Variants in EEF1D observed in about 807,000 individuals in gnomAD.
EEF1D encodes the protein eukaryotic translation elongation factor 1 delta.
In EEF1D, 47 loss-of-function variants were observed where a neutral mutation model predicts 63.9. That is an observed-to-expected ratio of 0.74 (90% CI 0.58 to 0.94). The LOEUF (loss-of-function observed/expected upper bound fraction) is 0.94, where lower values mean the gene tolerates loss of function less well. EEF1D is among the 40% of genes least tolerant of loss of function. EEF1D has a pLI of 0.00. For synonymous variants in EEF1D, 412 were observed against 386.1 expected (o/e 1.07, Z -0.79); for missense variants, 907 against 899.0 (o/e 1.01, Z -0.11).
intron 3 of EEF1D, 163 bp from the exon 4 acceptor site, chr8:143,587,015 C>A (rs1826791926): frequency 1.1e-6 from 1 of 897,040 alleles, no homozygotes; most frequent in Admixed American, 2.5e-5. Context: ...ACATGGCATC[C>A]CCAGGCCTGT....
chr8:143,584,404 AAG>A (rs1167172119), intron 5 of EEF1D, among the ~76,000 whole-genome samples: 16 of 151,686 alleles, frequency 1.1e-4, no homozygotes, highest in South Asian at 6.2e-4. Context: ...AAAAAAAAAA[AAG>A]AAAAAAAAAT....
chr8:143,588,538 G>A (rs531539535), intron 3 of EEF1D, among the ~76,000 whole-genome samples: 36 of 152,202 alleles, frequency 2.4e-4, no homozygotes, highest in Non-Finnish European at 4.3e-4. Context: ...AAGGAAAGCT[G>A]GGGGTGCACA....
rs939055566 is a variant in EEF1D, at chr8:143,579,775, G to A, written c.*17C>T. The A allele has an allele frequency of 3.9e-6, 6 of 1,548,950 alleles. No homozygotes were observed. Among genetic ancestry groups the A allele is most frequent in the Non-Finnish European group, 4.4e-6 (5 of 1,146,918 alleles). The stretch of plus-strand genomic sequence containing the variant: ...GGCAGGGCCTCACGCACGCGCGCAC[G>A]TACACACACTCAGGCTTCAGATCTT... On this transcript the variant is annotated 3_prime_UTR_variant, in exon 10 of 10. Transcript: ENST00000618139.
chr8:143,589,497 C>A lies in EEF1D; in HGVS notation c.585G>T (p.Gly195=). ...CCACCTGCTGGCCTGTGTTGGGAGT[C>A]CCCTGCCTGCGGCTGCCGTCGGGGG... is the stretch of plus-strand genomic sequence containing the variant. ...LLAPDGSRRQ[G]TPNTGQQVAV... The change falls in exon 3 of 10, where the codon GGG becomes GGT. Residue 195 remains glycine (G), a synonymous_variant. Transcript: ENST00000618139. The A allele has an allele frequency of 2.0e-6, 3 of 1,519,252 alleles. No homozygotes were observed. The highest frequency in any genetic ancestry group is 1.3e-5 in the South Asian group (1 of 78,746). The allele number at this position is 1,519,252 out of a possible 1,614,324, so 94.1% of individuals were successfully genotyped here.
rs766567247 is a variant in EEF1D, at chr8:143,589,374, C to A, written c.708G>T (p.Lys236Asn). The change falls in exon 3 of 10, where the codon AAG (lysine) becomes AAT (asparagine). Residue 236 changes from lysine to asparagine, a missense_variant. Lys to Asn is a moderately conservative substitution (Grantham distance 94, BLOSUM62 0). Transcript: ENST00000618139. ...CCCTCTCGGCTGCATCATACCGGGG[C>A]TTCTCCAGCCACACCTCCCGAACCA... Reference protein sequence around the residue: ...QALVREVWLEKPRYDAAERGF... With the variant: ...QALVREVWLENPRYDAAERGF... The A allele has an allele frequency of 3.9e-6, 6 of 1,550,000 alleles. No individual in the cohort carries two copies. Among genetic ancestry groups the A allele is most frequent in the South Asian group, 3.6e-5 (3 of 84,456 alleles).
At position 143,586,865 on chromosome 8, in the gene EEF1D, A is replaced by AAG; in HGVS notation, c.1092-14_1092-13insCT. The AAG allele has an allele frequency of 6.2e-7, 1 of 1,613,322 alleles. No homozygotes were observed. The highest frequency in any genetic ancestry group is 8.5e-7 in the Non-Finnish European group (1 of 1,179,306). On this transcript the variant is annotated splice_polypyrimidine_tract_variant and intron_variant, in intron 3 of 9. Coordinates refer to ENST00000618139, the MANE Select transcript of EEF1D (RefSeq NM_001130053.5). Reference sequence around the variant, plus strand: ...AGCCATTTTTCTGCTGGGAGGGGAAAGAGGCAAAGTCAGCATGGCTGGGAA... The same window carrying AAG: ...AGCCATTTTTCTGCTGGGAGGGGAAAAGGAGGCAAAGTCAGCATGGCTGGGAA...
rs143483165 is a variant in EEF1D at position 143,580,028 on chromosome 8, G to C, written c.1889C>G (p.Thr630Ser). 2.0e-5 allele frequency: 33 copies of C among 1,613,622 alleles called. No individual in the cohort carries two copies. Among genetic ancestry groups the C allele is most frequent in the African/African-American group, 2.7e-5 (2 of 74,876 alleles). Residue 630 changes from threonine to serine, a missense_variant, in exon 9 of 10, where the codon ACC becomes AGC. Transcript: ENST00000618139. ...CTCACTCACGTGCTCCTCAAACTTG[G>C]TGATCTCCTCCTCCAGCAAGTCTGT... ...VGTDLLEEEI[T>S]KFEEHVQSVD... is the part of the protein sequence containing the mutation.
rs572541892 is a variant in EEF1D, at chr8:143,589,452, G to C, written c.630C>G (p.His210Gln). ...GQQVAVPDLAHQPSPPVNGQP... is the reference protein window; with the variant it reads ...GQQVAVPDLAQQPSPPVNGQP... Reference sequence around the variant, plus strand: ...GGCCATTGACCGGTGGGCTGGGCTGGTGGGCCAGGTCGGGGACGGCCACCT... The same window carrying C: ...GGCCATTGACCGGTGGGCTGGGCTGCTGGGCCAGGTCGGGGACGGCCACCT... The change falls in exon 3 of 10, where the codon CAC (histidine) becomes CAG (glutamine). Residue 210 changes from histidine (H) to glutamine (Q), a missense_variant. Coordinates refer to ENST00000618139, the MANE Select transcript of EEF1D (RefSeq NM_001130053.5). 1.1e-4 allele frequency: 175 copies of C among 1,531,400 alleles called. No homozygotes were observed. The East Asian group carries it at 3.6e-3, about 32-fold the overall frequency. 94.9% of individuals were successfully genotyped at this position (1,531,400 alleles called of 1,614,324 possible).
At position 143,589,059 on chromosome 8, in the gene EEF1D, G is replaced by C. The variant is rs762495668; in HGVS notation, c.1023C>G (p.Leu341=). The change falls in exon 3 of 10, where the codon CTC becomes CTG. Residue 341 remains leucine (L), a synonymous_variant. Transcript: ENST00000618139. ...GTCGGTGAGACAGGGAGGCAGCTTC[G>C]AGGCACCAGGCCACCCGCAGGGCCT... ...AAEALRVAWC[L]EAASLSHRPG... 13 of 1,607,610 alleles carry C rather than the reference G, an allele frequency of 8.1e-6. No individual in the cohort carries two copies. The East Asian group carries it at 2.9e-4, about 36-fold the overall frequency.
chr8:143,596,440 C>T (rs1828838009), intron 1 of EEF1D: 3 of 152,338 alleles, frequency 2.0e-5, no homozygotes, highest in Admixed American at 2.0e-4. Context: ...GCTGGGCACA[C>T]ACGGGCTCCG....
intron 5 of EEF1D, chr8:143,582,497 G>C (rs1279949224): frequency 6.6e-6 from 1 of 152,330 alleles, no homozygotes; most frequent in Admixed American, 6.5e-5. Context: ...GCGGGAGTGG[G>C]GCTGGGTCCT....
rs374067636 is a variant in EEF1D, at chr8:143,589,326, G to A, written c.756C>T (p.Asp252=). The change falls in exon 3 of 10, where the codon GAC becomes GAT. Residue 252 remains aspartate, a synonymous_variant. Coordinates refer to ENST00000618139, the MANE Select transcript of EEF1D (RefSeq NM_001130053.5). ...AERGFYEALF[D]GHPPGKVRLQ... The stretch of plus-strand genomic sequence containing the variant: ...GGCGCACCTTCCCTGGGGGATGGCC[G>A]TCAAACAGGGCCTCGTAGAAGCCCC... 96 of 1,584,328 alleles carry A rather than the reference G, an allele frequency of 6.1e-5. No individual in the cohort carries two copies. Among genetic ancestry groups the A allele is most frequent in the Non-Finnish European group, 7.2e-5 (84 of 1,164,562 alleles).
In EEF1D at chr8:143,580,241, C is replaced by T. The variant is rs746987320; in HGVS notation, c.1711-35G>A. On this transcript the variant is annotated intron_variant, in intron 8 of 9. Coordinates refer to ENST00000618139, the MANE Select transcript of EEF1D (RefSeq NM_001130053.5). ...AAGGGGAGGAAAAGCTGGGGTCAGC[C>T]ACCCTCAGAACACCCAGGAAGTACC... 72 of 1,600,066 alleles carry T rather than the reference C, an allele frequency of 4.5e-5. No individual in the cohort carries two copies. In the East Asian group the frequency reaches 1.3e-3, roughly 28 times the overall value.
rs945908580 is a variant in EEF1D, at chr8:143,589,099, C to T, written c.983G>A (p.Arg328His). The change falls in exon 3 of 10, where the codon CGC (arginine) becomes CAC (histidine). Residue 328 changes from arginine to histidine, a missense_variant. Coordinates refer to ENST00000618139, the MANE Select transcript of EEF1D (RefSeq NM_001130053.5). Reference sequence around the variant, plus strand: ...CCGCAGGGCCTCGGCAGCGTGGTGGCGGCACTCGGCGCTGTCGTAGGCAGG... The same window carrying T: ...CCGCAGGGCCTCGGCAGCGTGGTGGTGGCACTCGGCGCTGTCGTAGGCAGG... The part of the protein sequence containing the change: ...SKPAYDSAEC[R>H]HHAAEALRVA... The T allele has an allele frequency of 2.0e-5, 32 of 1,609,472 alleles. No homozygotes were observed. The highest frequency in any genetic ancestry group is 3.4e-5 in the Admixed American group (2 of 59,682).
At chr8:143,591,207 T>C (rs1348746413) in intron 2 of EEF1D, among the ~76,000 whole-genome samples, 1 of 152,234 alleles carries the variant, frequency 6.6e-6, no homozygotes, top group Admixed American at 6.5e-5. Context: ...CTGTGTAATG[T>C]TAAGAGGGAC....
chr8:143,591,254 C>T (rs1232124131), intron 2 of EEF1D, among the ~76,000 whole-genome samples: 1 of 152,212 alleles, frequency 6.6e-6, no homozygotes, highest in Non-Finnish European at 1.5e-5. Flanking sequence ...GCTCCACTCC[C>T]CACTTGCTAC....
chr8:143,581,496 C>G (rs1191598969), intron 5 of EEF1D, 168 bp from the exon 6 acceptor site: 4 of 611,140 alleles, frequency 6.5e-6, no homozygotes, highest in Non-Finnish European at 1.2e-5. Flanking sequence ...GTGGCGGCCA[C>G]CACAGACCAC....
Position 143,586,739 on chromosome 8 carries a change from G to A in EEF1D, c.1205C>T (p.Ala402Val), listed in dbSNP as rs574502088. Residue 402 changes from alanine to valine, a missense_variant, in exon 4 of 10, where the codon GCC (alanine) becomes GTC (valine). Transcript: ENST00000618139. Reference protein sequence around the residue: ...YEQMNGPVAGASRQENGASVI... With the variant: ...YEQMNGPVAGVSRQENGASVI... ...ACGTGCAGCTCTCACCTGGCGGGAGGCACCTGCCACAGGCCCGTTCATCTG... is the reference window on the plus strand; with the variant it reads ...ACGTGCAGCTCTCACCTGGCGGGAGACACCTGCCACAGGCCCGTTCATCTG... 4.3e-6 allele frequency: 7 copies of A among 1,613,312 alleles called. No homozygotes were observed. Among genetic ancestry groups the A allele is most frequent in the Non-Finnish European group, 5.9e-6 (7 of 1,179,978 alleles).
intron 5 of EEF1D, 185 bp downstream of exon 5, chr8:143,586,034 A>G: frequency 1.9e-6 from 1 of 520,484 alleles, no homozygotes; most frequent in Admixed American, 3.4e-5. Flanking sequence ...GGACGCGAGA[A>G]TAAGAACACT....
Sources: gnomAD v4.1 joint callset for allele counts (sites outside exome capture counted in the v4.1 genomes callset) on GRCh38, gnomAD v4.1.1 for gene constraint, MANE v1.5 for transcripts, NCBI Gene and HGNC (gene_info 2026-07-23, HGNC 2026-07-21) for gene names.